SHPRH: variants seen among roughly 807,000 people sequenced by gnomAD.
SHPRH encodes the protein SNF2 histone linker PHD RING helicase, also known as E3 ubiquitin-protein ligase SHPRH.
SHPRH carries 106 observed loss-of-function variants against 202.5 expected under a neutral mutation model. The ratio of observed to expected loss-of-function variants is 0.52; its 90% confidence interval spans 0.45 to 0.62. The LOEUF is 0.62. Among genes scored for constraint, SHPRH ranks in the 20% least tolerant of loss-of-function variants. The probability of loss-of-function intolerance (pLI) is 0.00; values close to 1 mark genes in which losing one functional copy is unlikely to be tolerated. For synonymous variants in SHPRH, 729 were observed against 686.0 expected, an observed-to-expected ratio of 1.06 and a Z score of -0.98; for missense variants, 1,710 against 2,020.0, an observed-to-expected ratio of 0.85 and a Z score of 2.94.
chr6:145,945,727 A>C (rs1298992955), intron 7 of SHPRH, 90 bp from the exon 8 acceptor site: 2 of 1,312,652 alleles, frequency 1.5e-6, no homozygotes, highest in Non-Finnish European at 2.0e-6. Context: ...ATGAGGACTG[A>C]GTTAAGAAAG....
At chr6:145,927,127 G>T in intron 15 of SHPRH, 62 bp downstream of exon 15, 1 of 1,466,946 alleles carries the variant, frequency 6.8e-7, no homozygotes, top group South Asian at 1.2e-5. Context: ...TAAACATTCA[G>T]AAAAATTATT....
intron 11 of SHPRH, among the ~76,000 whole-genome samples, chr6:145,938,103 G>A (rs1169948177): frequency 6.6e-6 from 1 of 152,150 alleles, no homozygotes; most frequent in Non-Finnish European, 1.5e-5. Flanking sequence ...AAAAGTTCAC[G>A]TGTTAGAAGC....
intron 28 of SHPRH, 35 bp from the exon 29 acceptor site, chr6:145,888,135 A>C (rs747447415): frequency 6.8e-7 from 1 of 1,481,480 alleles, no homozygotes; most frequent in Non-Finnish European, 9.4e-7. Context: ...GCTTAAAAAC[A>C]TAGTAAAACA....
At chr6:145,956,834 G>T (rs1272580669) in intron 1 of SHPRH, among the ~76,000 whole-genome samples, 1 of 152,060 alleles carries the variant, frequency 6.6e-6, no homozygotes, top group Non-Finnish European at 1.5e-5. Context: ...TCTTAGTACT[G>T]ACCTATAGAA....
Position 145,943,510 on chromosome 6 carries a change from T to C in SHPRH, c.1871A>G (p.Asn624Ser), listed in dbSNP as rs775752460. The C allele has an allele frequency of 6.2e-7, 1 of 1,614,054 alleles. No homozygotes were observed. The highest frequency in any genetic ancestry group is 1.1e-5 in the South Asian group (1 of 91,084). Residue 624 changes from asparagine (N) to serine (S), a missense_variant, in exon 9 of 30, where the codon AAC (asparagine) becomes AGC (serine). Coordinates refer to ENST00000275233, the MANE Select transcript of SHPRH (RefSeq NM_001042683.3). ...ACAGTCCTCTGTTTCATGTTCTTGG[T>C]TGAATTCAGAGATACATGTACTTTT... ...MSKSTCISEFNQEHETEDCAE... is the reference protein window; with the variant it reads ...MSKSTCISEFSQEHETEDCAE...
At chr6:145,915,732 C>T (rs1783894459) in intron 23 of SHPRH, among the ~76,000 whole-genome samples, 1 of 151,966 alleles carries the variant, frequency 6.6e-6, no homozygotes, top group South Asian at 2.1e-4. Flanking sequence ...AATGTTTTAT[C>T]TCTCAACTTT....
chr6:145,887,475 A>C (rs1781141918), intron 29 of SHPRH, among the ~76,000 whole-genome samples: 2 of 151,032 alleles, frequency 1.3e-5, no homozygotes, highest in African/African-American at 4.9e-5. Context: ...AGACTGGTTT[A>C]GTCTCTCTGC....
At position 145,934,888 on chromosome 6, in the gene SHPRH, A is replaced by G. The variant is rs771961205; in HGVS notation, c.2990+19T>C. 6.3e-7 allele frequency: 1 copy of G among 1,580,476 alleles called. No homozygotes were observed. Among genetic ancestry groups the G allele is most frequent in the East Asian group, 2.3e-5 (1 of 44,170 alleles). On this transcript the variant is annotated intron_variant, in intron 13 of 29. Transcript: ENST00000275233. ...TTATGATATACCAACTGCAATTAAA[A>G]AAAAGTTGATAATAAAACCTTTTTT...
chr6:145,952,409 T>C lies in SHPRH; in HGVS notation c.703A>G (p.Lys235Glu). The stretch of plus-strand genomic sequence containing the variant: ...TTCTTCATGAGCTGATTGAACTTTT[T>C]CATTCTTGAATTTGCATCACTCAAG... ...DFLSDANSRM[K>E]KFNQLMKKVM... is the part of the protein sequence containing the mutation. The change falls in exon 3 of 30, where the codon AAA becomes GAA. Residue 235 changes from lysine (K) to glutamate (E), a missense_variant. Physicochemically the swap from Lys to Glu is moderately conservative, Grantham distance 56. Coordinates refer to ENST00000275233, the MANE Select transcript of SHPRH (RefSeq NM_001042683.3). The C allele has an allele frequency of 6.2e-7, 1 of 1,611,302 alleles. No homozygotes were observed. Among genetic ancestry groups the C allele is most frequent in the Non-Finnish European group, 8.5e-7 (1 of 1,178,452 alleles).
At chr6:145,903,737 G>A (rs145280602) in intron 25 of SHPRH, 8 of 152,036 alleles carry the variant, frequency 5.3e-5, no homozygotes, top group African/African-American at 1.9e-4. Flanking sequence ...TAAGACTCTT[G>A]ACCAGTATAT....
intron 11 of SHPRH, among the ~76,000 whole-genome samples, chr6:145,938,407 C>T (rs1331579875): frequency 6.6e-6 from 1 of 152,218 alleles, no homozygotes; most frequent in East Asian, 1.9e-4. Context: ...GTTATCCAGT[C>T]TGTGGTATCC....
chr6:145,963,543 C>T (rs575662894), intron 1 of SHPRH, among the ~76,000 whole-genome samples, 188 bp downstream of exon 1: 1 of 152,332 alleles, frequency 6.6e-6, no homozygotes, highest in African/African-American at 2.4e-5. Context: ...ACCAGTCAAA[C>T]TGTACAATGT....
chr6:145,943,707 A>G lies in SHPRH; in HGVS notation c.1674T>C (p.Asp558=), dbSNP rs1336391626. 6.2e-7 allele frequency: 1 copy of G among 1,613,628 alleles called. No individual in the cohort carries two copies. The highest frequency in any genetic ancestry group is 2.2e-5 in the East Asian group (1 of 44,860). Residue 558 remains aspartate (D), a synonymous_variant, in exon 9 of 30, where the codon GAT becomes GAC. Coordinates refer to ENST00000275233, the MANE Select transcript of SHPRH (RefSeq NM_001042683.3). The stretch of plus-strand genomic sequence containing the variant: ...AATAATAATAGTAAGGATCATCATC[A>G]TCATCAGAGGTGTCTGATGGCAAGT... ...SEYLPSDTSD[D]DDDPYYYYYK...
chr6:145,930,360 TTTTTC>T (rs1308489330), intron 14 of SHPRH, among the ~76,000 whole-genome samples: 2 of 149,402 alleles, frequency 1.3e-5, no homozygotes, highest in East Asian at 1.9e-4. Flanking sequence ...ATATGAAACT[TTTTTC>T]TTTTCTAGTA....
intron 4 of SHPRH, among the ~76,000 whole-genome samples, chr6:145,949,102 T>C (rs1402699647): frequency 6.6e-6 from 1 of 152,086 alleles, no homozygotes; most frequent in African/African-American, 2.4e-5. Context: ...GGAATGCTTT[T>C]ACACGGCTGA....
At chr6:145,926,749 G>A (rs1332679667) in intron 15 of SHPRH, among the ~76,000 whole-genome samples, 1 of 151,882 alleles carries the variant, frequency 6.6e-6, no homozygotes, top group Non-Finnish European at 1.5e-5. Flanking sequence ...TCCAAGAAGG[G>A]AAAGAGAAAT....
chr6:145,861,633 A>C (rs536727148), downstream of SHPRH, among the ~76,000 whole-genome samples: 2 of 152,318 alleles, frequency 1.3e-5, no homozygotes, highest in African/African-American at 4.8e-5. Context: ...TCTTGAAGAG[A>C]TATCCATCCT....
At chr6:145,905,356 A>C (rs1348035591) in intron 25 of SHPRH, 2 of 152,118 alleles carry the variant, frequency 1.3e-5, no homozygotes, top group Admixed American at 1.3e-4. Flanking sequence ...CAGGATAAAG[A>C]ATAACTGTCA....
At chr6:145,948,434 T>G in intron 4 of SHPRH, 84 bp from the exon 5 acceptor site, 2 of 1,034,248 alleles carry the variant, frequency 1.9e-6, no homozygotes, top group Non-Finnish European at 2.9e-6. Flanking sequence ...AGGTTAACAG[T>G]GAGGATACTC....
Sources: gnomAD v4.1 joint callset for allele counts (sites outside exome capture counted in the v4.1 genomes callset) on GRCh38, gnomAD v4.1.1 for gene constraint, MANE v1.5 for transcripts, NCBI Gene and HGNC (gene_info 2026-07-23, HGNC 2026-07-21) for gene names.